Variants in TMTC2 observed in about 807,000 individuals in gnomAD.
TMTC2 encodes protein O-mannosyl-transferase TMTC2.
A neutral mutation model predicts 82.4 loss-of-function variants in TMTC2; 43 were observed. The observed-to-expected ratio is 0.52, with a 90% CI of 0.41 to 0.67. TMTC2 has a LOEUF of 0.67. Ranked by LOEUF, TMTC2 falls within the 30% of genes least tolerant of loss-of-function variation. The pLI is 0.00. For missense variants in TMTC2, 919 were observed against 1,012.4 expected, an observed-to-expected ratio of 0.91 and a Z score of 1.25; for synonymous variants, 408 against 381.9, an observed-to-expected ratio of 1.07 and a Z score of -0.80.
At chr12:82,980,039 G>A (rs190969869) in intron 7 of TMTC2, among the ~76,000 whole-genome samples, 1 of 151,774 alleles carries the variant, frequency 6.6e-6, no homozygotes, top group African/African-American at 2.4e-5. Flanking sequence ...ATTATGACAT[G>A]TCTTGAGGTA....
intron 11 of TMTC2, among the ~76,000 whole-genome samples, chr12:83,068,302 A>G (rs10778939): frequency 0.32 from 49,077 of 151,926 alleles, 8,146 homozygotes; most frequent in East Asian, 0.47. Flanking sequence ...TTTCCCACCT[A>G]TATATGTATG....
At chr12:82,776,206 A>C (rs1877585540) in intron 1 of TMTC2, among the ~76,000 whole-genome samples, 1 of 152,064 alleles carries the variant, frequency 6.6e-6, no homozygotes, top group South Asian at 2.1e-4. Context: ...CTTTATGTTT[A>C]GGTCACTTTT....
chr12:82,933,160 T>A (rs747146567), intron 4 of TMTC2, among the ~76,000 whole-genome samples: 5 of 152,214 alleles, frequency 3.3e-5, no homozygotes, highest in Non-Finnish European at 7.4e-5. Flanking sequence ...TCTGTCACCC[T>A]AAACGGAGAA....
At chr12:82,829,330 A>G (rs1208579681) in intron 1 of TMTC2, among the ~76,000 whole-genome samples, 1 of 152,230 alleles carries the variant, frequency 6.6e-6, no homozygotes, top group African/African-American at 2.4e-5. Context: ...ATTCGAAATC[A>G]GTTGTCCTTA....
At chr12:83,023,180 C>T (rs572523196) in intron 8 of TMTC2, among the ~76,000 whole-genome samples, 1 of 152,118 alleles carries the variant, frequency 6.6e-6, no homozygotes, top group East Asian at 1.9e-4. Flanking sequence ...TTTTATGAAC[C>T]CTCAGGAATA....
chr12:82,724,511 C>G, intron 1 of TMTC2, among the ~76,000 whole-genome samples: 1 of 152,164 alleles, frequency 6.6e-6, no homozygotes, highest in Non-Finnish European at 1.5e-5. Context: ...CGCTCTCTCT[C>G]TCCTACTGCC....
chr12:82,980,476 G>A (rs897673772), intron 7 of TMTC2, among the ~76,000 whole-genome samples: 3 of 151,736 alleles, frequency 2.0e-5, no homozygotes, highest in African/African-American at 7.2e-5. Context: ...AGATAAAAAT[G>A]CCTGCTTTTC....
intron 1 of TMTC2, among the ~76,000 whole-genome samples, chr12:82,732,314 T>C (rs1382722603): frequency 6.6e-6 from 1 of 152,142 alleles, no homozygotes; most frequent in Non-Finnish European, 1.5e-5. Context: ...CATTGAAGAA[T>C]AGGATAACCT....
At chr12:83,097,554 G>A (rs1485127627) in intron 11 of TMTC2, among the ~76,000 whole-genome samples, 2 of 152,202 alleles carry the variant, frequency 1.3e-5, no homozygotes, top group East Asian at 3.9e-4. Context: ...ACTGCCCTAG[G>A]TGTTAGGAAT....
chr12:82,911,263 A>G (rs766314030), intron 3 of TMTC2, among the ~76,000 whole-genome samples: 3 of 152,074 alleles, frequency 2.0e-5, no homozygotes, highest in Non-Finnish European at 4.4e-5. Context: ...GCAGGAAGGC[A>G]GGAGTGCCTG....
rs12297723 is a variant in TMTC2 at position 82,827,909 on chromosome 12, T to C, written c.84-29101T>C. ...TTTCGTTTTCTTTTTTTTTTTTCTT[T>C]TGAGACAGAGTCTTGCTCTGTCGCC... On this transcript the variant is annotated intron_variant, in intron 1 of 11. Transcript: ENST00000321196. 5.5e-3 allele frequency among the ~76,000 whole-genome samples: 841 copies of C among 151,648 alleles called. 5 individuals carry two copies. Among genetic ancestry groups the C allele is most frequent in the African/African-American group, 0.019 (799 of 41,376 alleles).
At chr12:82,853,757 C>T (rs1810671554) in intron 1 of TMTC2, among the ~76,000 whole-genome samples, 1 of 152,074 alleles carries the variant, frequency 6.6e-6, no homozygotes, top group Non-Finnish European at 1.5e-5. Context: ...AAGCCTTATC[C>T]CAGAATGGTT....
At chr12:82,813,433 A>G (rs775191850) in intron 1 of TMTC2, among the ~76,000 whole-genome samples, 2 of 152,064 alleles carry the variant, frequency 1.3e-5, no homozygotes, top group African/African-American at 2.4e-5. Flanking sequence ...TTCTCTTCTC[A>G]GGTTAAATAT....
At chr12:82,690,379 A>G (rs916258247) in intron 1 of TMTC2, 39 of 985,300 alleles carry the variant, frequency 4.0e-5, no homozygotes, top group Non-Finnish European at 4.5e-5. Flanking sequence ...CACTCAAGGG[A>G]GATGGCTGTT....
At chr12:83,029,900 T>C (rs1209739363) in intron 8 of TMTC2, among the ~76,000 whole-genome samples, 1 of 152,214 alleles carries the variant, frequency 6.6e-6, no homozygotes, top group African/African-American at 2.4e-5. Flanking sequence ...CTTGTGCGTA[T>C]GATGGTAATA....
At chr12:82,959,557 A>G (rs1170208074) in intron 4 of TMTC2, among the ~76,000 whole-genome samples, 1 of 152,172 alleles carries the variant, frequency 6.6e-6, no homozygotes, top group Non-Finnish European at 1.5e-5. Flanking sequence ...AAATTTGACC[A>G]AAGTAAGCAA....
intron 3 of TMTC2, among the ~76,000 whole-genome samples, chr12:82,917,013 G>A (rs529912549): frequency 6.6e-6 from 1 of 151,916 alleles, no homozygotes; most frequent in Non-Finnish European, 1.5e-5. Context: ...ATAATCCGAG[G>A]TATAATTTCT....
intron 1 of TMTC2, chr12:82,690,482 A>C: frequency 1.2e-6 from 1 of 864,502 alleles, no homozygotes; most frequent in Non-Finnish European, 1.4e-6. Flanking sequence ...TTTATAAACT[A>C]TATATAATTT....
In TMTC2 at chr12:83,050,936, G is replaced by C. The variant is rs421560; in HGVS notation, c.2185G>C (p.Glu729Gln). The part of the protein sequence containing the change: ...QFLLEEARLI[E>Q]AAEMAKKAAE... ...TCTTCTGGAAGAAGCTCGTCTCATA[G>C]AAGCAGCTGAGATGGCAAAAAAAGC... The change falls in exon 10 of 12, where the codon GAA (glutamate) becomes CAA (glutamine). Residue 729 changes from glutamate (E) to glutamine (Q), a missense_variant. Glu to Gln is a conservative substitution (Grantham distance 29, BLOSUM62 2). Transcript: ENST00000321196. The C allele has an allele frequency of 6.2e-7, 1 of 1,612,974 alleles. No individual in the cohort carries two copies. Among genetic ancestry groups the C allele is most frequent in the Non-Finnish European group, 8.5e-7 (1 of 1,179,418 alleles).
Sources: gnomAD v4.1 joint callset for allele counts (sites outside exome capture counted in the v4.1 genomes callset) on GRCh38, gnomAD v4.1.1 for gene constraint, MANE v1.5 for transcripts, NCBI Gene and HGNC (gene_info 2026-07-23, HGNC 2026-07-21) for gene names.